The following ZBTB20 variants were observed in gnomAD, a reference collection of about 807,000 sequenced individuals.
ZBTB20 encodes zinc finger and BTB domain-containing protein 20.
In ZBTB20, 9 loss-of-function variants were observed where a neutral mutation model predicts 56.9. The observed-to-expected ratio is 0.16, with a 90% confidence interval of 0.10 to 0.28. ZBTB20 has a LOEUF of 0.28. ZBTB20 is among the 10% of genes least tolerant of loss of function. The pLI, the probability that ZBTB20 is intolerant of heterozygous loss-of-function variation, is 1.00. For missense variants in ZBTB20, 655 were observed against 1,003.0 expected (o/e 0.65, Z 4.69); for synonymous variants, 417 against 420.7 (o/e 0.99, Z 0.11).
intron 6 of ZBTB20, among the ~76,000 whole-genome samples, chr3:114,517,599 C>T (rs7629744): frequency 0.016 from 2,327 of 149,218 alleles, 49 homozygotes; most frequent in African/African-American, 0.052. Context: ...TTTTTTTTGA[C>T]CAAATTTCTC....
At chr3:115,118,688 CTT>C (rs1235623297) in intron 1 of ZBTB20, among the ~76,000 whole-genome samples, 1 of 140,792 alleles carries the variant, frequency 7.1e-6, no homozygotes, top group Non-Finnish European at 1.5e-5. Flanking sequence ...GGACCTAAAA[CTT>C]TACCTGGTAC....
At chr3:114,978,027 A>G (rs903889492) in intron 2 of ZBTB20, among the ~76,000 whole-genome samples, 2 of 151,374 alleles carry the variant, frequency 1.3e-5, no homozygotes, top group African/African-American at 4.8e-5. Context: ...AAAAAAAAAA[A>G]AAGTGTAAGG....
In ZBTB20 at chr3:114,339,365, G is replaced by T. The variant is rs148654668; in HGVS notation, c.1866C>A (p.Ile622=). The change falls in exon 12 of 12, where the codon ATC becomes ATA. Residue 622 remains isoleucine, a synonymous_variant. Transcript: ENST00000675478. This position sits in a 1 kb window ranked among gnomAD's most constrained non-coding sequence, Gnocchi z 4.2. ...CTCCTGTGTGTGTCACCATGTGCTT[G>T]ATAAGGTAATCCTTTAAGGAGAAGG... ...WRSFSLKDYL[I]KHMVTHTGVR... The T allele has an allele frequency of 1.9e-5, 30 of 1,614,018 alleles. No individual in the cohort carries two copies. The African/African-American group carries it at 3.9e-4, about 21-fold the overall frequency.
intron 6 of ZBTB20, among the ~76,000 whole-genome samples, chr3:114,634,836 G>A (rs1265660348): frequency 6.6e-6 from 1 of 152,208 alleles, no homozygotes; most frequent in Non-Finnish European, 1.5e-5. Flanking sequence ...TGGCCTCTCA[G>A]AGAACCCTCT....
chr3:115,066,349 A>C (rs1392404070), intron 2 of ZBTB20, among the ~76,000 whole-genome samples: 2 of 151,924 alleles, frequency 1.3e-5, no homozygotes, highest in Non-Finnish European at 2.9e-5. Context: ...TTTTTCTTTA[A>C]CAGCATCCAA....
intron 6 of ZBTB20, among the ~76,000 whole-genome samples, chr3:114,666,977 AG>A (rs1299739648): frequency 1.3e-5 from 2 of 152,040 alleles, no homozygotes; most frequent in East Asian, 3.9e-4. Context: ...AGGCAATAAA[AG>A]CTTTGGTGAT....
rs558883752 is a variant in ZBTB20 at position 115,123,844 on chromosome 3, G to A, written c.-703+23375C>T. ...TGGCACTAGTACAGGACTGAGGAGA[G>A]GCTGGGGTTTCTAAACTATCAAAAA... On this transcript the variant is annotated intron_variant, in intron 1 of 11. Transcript: ENST00000675478. 1.6e-4 allele frequency among the ~76,000 whole-genome samples: 25 copies of A among 152,256 alleles called. No homozygotes were observed. The South Asian group carries it at 3.9e-3, about 24-fold the overall frequency.
chr3:114,342,484 C>A (rs1052372302), intron 11 of ZBTB20, among the ~76,000 whole-genome samples: 3 of 152,128 alleles, frequency 2.0e-5, no homozygotes, highest in African/African-American at 7.2e-5. Flanking sequence ...TTAAATGATC[C>A]ATTTTGGGCC....
intron 6 of ZBTB20, among the ~76,000 whole-genome samples, chr3:114,638,356 A>G (rs1274262): frequency 0.35 from 52,652 of 151,936 alleles, 11,766 homozygotes; most frequent in African/African-American, 0.62. Context: ...TCCCAGAGAT[A>G]TCAGCACAGA....
intron 6 of ZBTB20, among the ~76,000 whole-genome samples, chr3:114,510,789 A>G (rs992194783): frequency 6.6e-6 from 1 of 152,146 alleles, no homozygotes; most frequent in African/African-American, 2.4e-5. Context: ...ACTGAGGTAG[A>G]GAAGTTTGAT....
chr3:115,001,925 A>T (rs921675632), intron 2 of ZBTB20, among the ~76,000 whole-genome samples: 5 of 151,486 alleles, frequency 3.3e-5, no homozygotes, highest in African/African-American at 1.2e-4. Context: ...GAGGCAAAAG[A>T]TCTAGAATAG....
rs749188643 is a variant in ZBTB20, at chr3:114,629,536, T to C, written c.-295+63992A>G. Among the ~76,000 whole-genome samples, 54 of 152,266 alleles carry C rather than the reference T, an allele frequency of 3.5e-4. 1 individual carries two copies. The highest frequency in any genetic ancestry group is 1.0e-3 in the South Asian group (5 of 4,820). ...CTGTATGTACAGTTAGACTAATATATAGCACCATATTATTATTATTGTAGC... is the reference window on the plus strand; with the variant it reads ...CTGTATGTACAGTTAGACTAATATACAGCACCATATTATTATTATTGTAGC... On this transcript the variant is annotated intron_variant, in intron 6 of 11. Transcript: ENST00000675478.
intron 7 of ZBTB20, among the ~76,000 whole-genome samples, chr3:114,440,230 AG>A (rs2108954134): frequency 6.6e-6 from 1 of 152,304 alleles, no homozygotes; most frequent in Non-Finnish European, 1.5e-5. Context: ...GTGCACAATC[AG>A]CCTTAGCAAT....
chr3:115,046,676 G>T (rs2081345474), intron 2 of ZBTB20, among the ~76,000 whole-genome samples: 1 of 152,056 alleles, frequency 6.6e-6, no homozygotes, highest in Admixed American at 6.5e-5. Flanking sequence ...TTCATTCATA[G>T]TTGCAAAATG....
At chr3:114,879,137 G>A (rs1305978923) in intron 4 of ZBTB20, among the ~76,000 whole-genome samples, 1 of 152,166 alleles carries the variant, frequency 6.6e-6, no homozygotes, top group Non-Finnish European at 1.5e-5. Context: ...CCAAAGAAGT[G>A]TGAACTTGTC....
intron 6 of ZBTB20, among the ~76,000 whole-genome samples, chr3:114,557,220 T>C (rs1296672373): frequency 1.3e-5 from 2 of 151,986 alleles, no homozygotes; most frequent in Admixed American, 6.6e-5. Context: ...GTGGGAATAG[T>C]CATCCTTGAA....
intron 5 of ZBTB20, among the ~76,000 whole-genome samples, chr3:114,753,412 C>T (rs1220747710): frequency 1.2e-5 from 1 of 86,208 alleles, no homozygotes; most frequent in African/African-American, 3.3e-5. Context: ...TATACACACA[C>T]GTATATATAT....
chr3:114,911,721 GAAC>G (rs1560389985), intron 3 of ZBTB20, among the ~76,000 whole-genome samples: 1 of 151,596 alleles, frequency 6.6e-6, no homozygotes, highest in Non-Finnish European at 1.5e-5. Context: ...CCACCTAGAG[GAAC>G]AACAAGAAAA....
At chr3:115,117,804 T>G (rs1321535806) in intron 1 of ZBTB20, among the ~76,000 whole-genome samples, 1 of 152,304 alleles carries the variant, frequency 6.6e-6, no homozygotes, top group East Asian at 1.9e-4. Flanking sequence ...TGTTTAAATA[T>G]AGTAAAAGGA....
Sources: allele counts gnomAD v4.1 joint callset (sites outside exome capture counted in the v4.1 genomes callset), GRCh38; gene constraint gnomAD v4.1.1; non-coding constraint Gnocchi (gnomAD v3.1); transcripts MANE v1.5; gene names NCBI Gene and HGNC (gene_info 2026-07-23, HGNC 2026-07-21).